Variants in LMNB1 observed in about 807,000 individuals in gnomAD.
The protein encoded by LMNB1 is lamin-B1.
In LMNB1, 23 loss-of-function variants were observed where a neutral mutation model predicts 67.1. The ratio of observed to expected loss-of-function variants is 0.34; its 90% CI spans 0.25 to 0.49. The LOEUF (loss-of-function observed/expected upper bound fraction) is 0.49, where lower values mean the gene tolerates loss of function less well. LMNB1 is among the 20% of genes least tolerant of loss of function. LMNB1 has a pLI of 0.99. For missense variants in LMNB1, 634 were observed against 746.5 expected, an observed-to-expected ratio of 0.85 and a Z score of 1.76; for synonymous variants, 281 against 282.9, an observed-to-expected ratio of 0.99 and a Z score of 0.07.
intron 1 of LMNB1, among the ~76,000 whole-genome samples, chr5:126,788,245 A>G (rs1750859655): frequency 6.6e-6 from 1 of 152,152 alleles, no homozygotes; most frequent in African/African-American, 2.4e-5. Context: ...TTTAGGTAGC[A>G]ATGTTAGTTG....
chr5:126,823,427 C>G (rs1160521935), intron 8 of LMNB1, among the ~76,000 whole-genome samples: 2 of 152,076 alleles, frequency 1.3e-5, no homozygotes, highest in Non-Finnish European at 2.9e-5. Flanking sequence ...TTCTGAAATA[C>G]TACATCTTTA....
Position 126,804,807 on chromosome 5 carries a change from G to A in LMNB1, c.391G>A (p.Ala131Thr), listed in dbSNP as rs373303194. Residue 131 changes from alanine to threonine, a missense_variant, in exon 2 of 11, where the codon GCC becomes ACC. Coordinates refer to ENST00000261366, the MANE Select transcript of LMNB1 (RefSeq NM_005573.4). ...YAKKESDLNG[A>T]QIKLREYEAA... ...TAAGAAGGAATCTGATCTTAATGGC[G>A]CCCAGATCAAGCTTCGAGAATATGA... 28 of 1,613,790 alleles carry A rather than the reference G, an allele frequency of 1.7e-5. 1 individual carries two copies. Among genetic ancestry groups the A allele is most frequent in the South Asian group, 3.3e-5 (3 of 91,066 alleles).
chr5:126,780,626 G>A (rs972331284), intron 1 of LMNB1, among the ~76,000 whole-genome samples: 3 of 152,234 alleles, frequency 2.0e-5, no homozygotes, highest in Admixed American at 6.5e-5. Context: ...AGGAAGGCCT[G>A]TCTGAGGAGT....
chr5:126,786,972 C>T (rs1750802934), intron 1 of LMNB1, among the ~76,000 whole-genome samples: 1 of 152,102 alleles, frequency 6.6e-6, no homozygotes, highest in Non-Finnish European at 1.5e-5. Context: ...AAATTAAAAC[C>T]TCTAAATAAA....
At position 126,832,737 on chromosome 5, in the gene LMNB1, A is replaced by T. The variant is rs769080654; in HGVS notation, c.1655A>T (p.Glu552Val). The T allele has an allele frequency of 3.7e-6, 6 of 1,613,264 alleles. No individual in the cohort carries two copies. In the South Asian group the frequency reaches 6.6e-5, roughly 18 times the overall value. Residue 552 changes from glutamate (E) to valine (V), a missense_variant, in exon 10 of 11, where the codon GAA (glutamate) becomes GTA (valine). Coordinates refer to ENST00000261366, the MANE Select transcript of LMNB1 (RefSeq NM_005573.4). Reference protein sequence around the residue: ...RSTVFKTTIPEEEEEEEEAAG... With the variant: ...RSTVFKTTIPVEEEEEEEAAG... ...ACAGTCTTTAAAACAACCATACCTG[A>T]AGAAGAGGAGGAGGAGGAAGAAGCA...
intron 1 of LMNB1, among the ~76,000 whole-genome samples, chr5:126,797,811 C>T (rs561609436): frequency 2.6e-5 from 4 of 152,326 alleles, no homozygotes; most frequent in Non-Finnish European, 4.4e-5. Context: ...TGCAGTGGCT[C>T]ATGCTGGTAA....
chr5:126,827,833 G>A (rs114971760), intron 9 of LMNB1, among the ~76,000 whole-genome samples: 2,740 of 152,276 alleles, frequency 0.018, 91 homozygotes, highest in African/African-American at 0.063. Flanking sequence ...TGTGAAAGGA[G>A]TGGTCAGCGG....
At chr5:126,811,640 T>C in intron 4 of LMNB1, 133 bp from the exon 5 acceptor site, 1 of 710,738 alleles carries the variant, frequency 1.4e-6, no homozygotes, top group East Asian at 2.8e-5. Context: ...TCAGCAAACT[T>C]CATGATGCTT....
Position 126,821,032 on chromosome 5 carries a change from G to C in LMNB1, c.1283G>C (p.Ser428Thr). 6.2e-7 allele frequency: 1 copy of C among 1,614,040 alleles called. No individual in the cohort carries two copies. The highest frequency in any genetic ancestry group is 8.5e-7 in the Non-Finnish European group (1 of 1,179,914). Residue 428 changes from serine to threonine, a missense_variant, in exon 7 of 11, where the codon AGT (serine) becomes ACT (threonine). Ser to Thr is a moderately conservative substitution (Grantham distance 58). Transcript: ENST00000261366. ...GATGTGGAAGAATCAGAGGCGAGTA[G>C]TAGTGTTAGCATCTCTCATTCCGCC... ...RVDVEESEAS[S>T]SVSISHSASA...
At chr5:126,798,241 A>T (rs957778343) in intron 1 of LMNB1, among the ~76,000 whole-genome samples, 4 of 152,198 alleles carry the variant, frequency 2.6e-5, no homozygotes, top group African/African-American at 4.8e-5. Context: ...TCACGAGGTC[A>T]GTAGTTGACC....
chr5:126,819,095 C>T lies in LMNB1; in HGVS notation c.1113C>T (p.Asp371=). The T allele has an allele frequency of 6.2e-7, 1 of 1,614,114 alleles. No homozygotes were observed. Among genetic ancestry groups the T allele is most frequent in the African/African-American group, 1.3e-5 (1 of 75,044 alleles). Residue 371 remains aspartate (D), a synonymous_variant, in exon 6 of 11, where the codon GAC becomes GAT. Coordinates refer to ENST00000261366, the MANE Select transcript of LMNB1 (RefSeq NM_005573.4). ...TTCTTGATGTAAAGTTAGCCCTGGA[C>T]ATGGAAATCAGTGCTTACAGGAAAC... ...EQLLDVKLAL[D]MEISAYRKLL... is the part of the protein sequence containing the mutation.
rs544994042 is a variant in LMNB1, at chr5:126,803,771, G to A, written c.360-1005G>A. Reference sequence around the variant, plus strand: ...TTACCATGTTGGCAAGGCTGGTCTCGAACTCCTGACCTCAAGTGATCCGCC... The same window carrying A: ...TTACCATGTTGGCAAGGCTGGTCTCAAACTCCTGACCTCAAGTGATCCGCC... On this transcript the variant is annotated intron_variant, in intron 1 of 10. Transcript: ENST00000261366. Among the ~76,000 whole-genome samples the A allele has an allele frequency of 7.2e-5, 11 of 151,752 alleles. No homozygotes were observed. The South Asian group carries it at 2.1e-3, about 29-fold the overall frequency.
At chr5:126,817,432 C>T (rs776880322) in intron 5 of LMNB1, among the ~76,000 whole-genome samples, 21 of 152,116 alleles carry the variant, frequency 1.4e-4, no homozygotes, top group African/African-American at 4.3e-4. Flanking sequence ...GCCCTCTCAC[C>T]GATAAAAGTG....
chr5:126,799,042 C>T (rs1189947601), intron 1 of LMNB1, among the ~76,000 whole-genome samples: 3 of 137,484 alleles, frequency 2.2e-5, no homozygotes, highest in Non-Finnish European at 3.1e-5. Context: ...TTTTTTGAGA[C>T]GGAGTCTCGC....
chr5:126,785,551 G>C (rs1247709234), intron 1 of LMNB1, among the ~76,000 whole-genome samples: 1 of 141,024 alleles, frequency 7.1e-6, no homozygotes, highest in Non-Finnish European at 1.5e-5. Context: ...GAACTCCTGA[G>C]CTCAGGCAAT....
intron 4 of LMNB1, among the ~76,000 whole-genome samples, chr5:126,810,930 T>A (rs923627306): frequency 6.6e-6 from 1 of 152,266 alleles, no homozygotes; most frequent in African/African-American, 2.4e-5. Flanking sequence ...GTACAGGCTT[T>A]CCCTGGTAAA....
In LMNB1 at chr5:126,811,864, G is replaced by A. The variant is rs1751585981; in HGVS notation, c.905G>A (p.Ser302Asn). The A allele has an allele frequency of 6.2e-7, 1 of 1,612,518 alleles. No individual in the cohort carries two copies. Residue 302 changes from serine (S) to asparagine (N), a missense_variant, in exon 5 of 11, where the codon AGC (serine) becomes AAC (asparagine). Ser to Asn is a conservative substitution (Grantham distance 46). Transcript: ENST00000261366. Reference protein sequence around the residue: ...ELMESRMRIESLSSQLSNLQK... With the variant: ...ELMESRMRIENLSSQLSNLQK... ...ATGGAAAGCCGCATGAGAATTGAGAGCCTTTCATCCCAGCTTTCTAATCTA... is the reference window on the plus strand; with the variant it reads ...ATGGAAAGCCGCATGAGAATTGAGAACCTTTCATCCCAGCTTTCTAATCTA...
chr5:126,778,960 C>T (rs1488267358), intron 1 of LMNB1, among the ~76,000 whole-genome samples: 2 of 152,134 alleles, frequency 1.3e-5, no homozygotes, highest in Admixed American at 1.3e-4. Flanking sequence ...AGCAAAATGG[C>T]CTGTCATCAG....
chr5:126,794,789 T>A (rs2112939166), intron 1 of LMNB1, among the ~76,000 whole-genome samples: 1 of 152,338 alleles, frequency 6.6e-6, no homozygotes, highest in Non-Finnish European at 1.5e-5. Flanking sequence ...GAATTTTGTA[T>A]AGAATGATTT....
Sources: allele counts gnomAD v4.1 joint callset (sites outside exome capture counted in the v4.1 genomes callset), GRCh38; gene constraint gnomAD v4.1.1; transcripts MANE v1.5; gene names NCBI Gene and HGNC (gene_info 2026-07-23, HGNC 2026-07-21).